Variants in ANGPT1 observed in about 807,000 individuals in gnomAD.
ANGPT1 encodes angiopoietin-1.
In ANGPT1, 17 loss-of-function variants were observed where a neutral mutation model predicts 62.2. The ratio of observed to expected loss-of-function variants is 0.27; its 90% confidence interval spans 0.19 to 0.41. The LOEUF (loss-of-function observed/expected upper bound fraction) is 0.41. Ranked by LOEUF, ANGPT1 falls within the 10% of genes least tolerant of loss-of-function variation. ANGPT1 has a pLI of 1.00. For missense variants in ANGPT1, 478 were observed against 594.9 expected (o/e 0.80, Z 2.04); for synonymous variants, 199 against 198.9 (o/e 1.00, Z 0.00).
chr8:107,378,656 C>G (rs1816575807), intron 1 of ANGPT1, among the ~76,000 whole-genome samples: 1 of 151,930 alleles, frequency 6.6e-6, no homozygotes, highest in Non-Finnish European at 1.5e-5. Flanking sequence ...GGGTGGTTTC[C>G]CCCATGCTGT....
chr8:107,336,836 G>C (rs1815581292), intron 2 of ANGPT1, among the ~76,000 whole-genome samples: 1 of 150,522 alleles, frequency 6.6e-6, no homozygotes. Context: ...TCCTGTGCTA[G>C]TTGCTTCATA....
chr8:107,276,839 C>T (rs1267674625), intron 7 of ANGPT1, among the ~76,000 whole-genome samples: 1 of 152,078 alleles, frequency 6.6e-6, no homozygotes, highest in African/African-American at 2.4e-5. Context: ...AAGATCTTGG[C>T]CAAAAACAAA....
intron 7 of ANGPT1, chr8:107,284,390 G>T: frequency 5.4e-6 from 1 of 186,386 alleles, no homozygotes; most frequent in Non-Finnish European, 1.1e-5. Context: ...TTATATATAT[G>T]AATTCACTGC....
intron 2 of ANGPT1, among the ~76,000 whole-genome samples, chr8:107,345,188 C>T (rs891981233): frequency 2.0e-5 from 3 of 152,152 alleles, no homozygotes; most frequent in African/African-American, 7.2e-5. Context: ...TTCTGGGTTT[C>T]AGCTATCTTA....
At chr8:107,379,956 A>G (rs867088328) in intron 1 of ANGPT1, among the ~76,000 whole-genome samples, 4 of 152,258 alleles carry the variant, frequency 2.6e-5, no homozygotes, top group African/African-American at 9.6e-5. Flanking sequence ...TCCCAAAGGG[A>G]TACTGGTAAA....
At chr8:107,299,768 TAGA>T (rs1814526366) in intron 5 of ANGPT1, among the ~76,000 whole-genome samples, 1 of 121,554 alleles carries the variant, frequency 8.2e-6, no homozygotes, top group South Asian at 2.6e-4. Context: ...TAGTTATATC[TAGA>T]TATACTATAT....
chr8:107,415,065 TAC>T (rs901827249), intron 1 of ANGPT1, among the ~76,000 whole-genome samples: 2 of 152,194 alleles, frequency 1.3e-5, no homozygotes, highest in Non-Finnish European at 2.9e-5. Flanking sequence ...AAATTTAGTT[TAC>T]TCTGCTCTGA....
At chr8:107,319,413 T>G (rs904879653) in intron 4 of ANGPT1, among the ~76,000 whole-genome samples, 1 of 152,136 alleles carries the variant, frequency 6.6e-6, no homozygotes, top group African/African-American at 2.4e-5. Flanking sequence ...ACAGCTCGTG[T>G]TTTTTAAGAT....
intron 1 of ANGPT1, among the ~76,000 whole-genome samples, chr8:107,478,065 T>G (rs926235005): frequency 4.6e-5 from 5 of 109,592 alleles, no homozygotes; most frequent in African/African-American, 9.3e-5. Flanking sequence ...TTTCTCCTGT[T>G]TTTTTTTTTT....
intron 1 of ANGPT1, among the ~76,000 whole-genome samples, chr8:107,483,467 T>G (rs1428750191): frequency 6.6e-6 from 1 of 152,156 alleles, no homozygotes; most frequent in East Asian, 1.9e-4. Context: ...TAAGAGATAC[T>G]GACAGTTTCA....
chr8:107,490,085 T>C (rs1278240512), intron 1 of ANGPT1, among the ~76,000 whole-genome samples: 1 of 152,218 alleles, frequency 6.6e-6, no homozygotes, highest in East Asian at 1.9e-4. Context: ...ACTCTGTGTT[T>C]TGTAGCTGAG....
intron 2 of ANGPT1, among the ~76,000 whole-genome samples, chr8:107,342,782 TACACACACACACACACACACACACAC>T (rs751210643): frequency 1.5e-4 from 21 of 138,634 alleles, no homozygotes; most frequent in Admixed American, 1.2e-3. Context: ...AACTGCCTAA[TACACACACACACACACACACACACAC>T]ACACACACAC....
intron 1 of ANGPT1, among the ~76,000 whole-genome samples, chr8:107,442,251 T>C (rs1018596302): frequency 6.6e-6 from 1 of 152,206 alleles, no homozygotes; most frequent in Non-Finnish European, 1.5e-5. Flanking sequence ...AAAATACTTC[T>C]ATTGAATATC....
Position 107,495,018 on chromosome 8 carries a change from C to A in ANGPT1, c.297+2244G>T, listed in dbSNP as rs189416973. On this transcript the variant is annotated intron_variant, in intron 1 of 8. Transcript: ENST00000517746. ...ATACAAATTGCAGTACTGAGCATAC[C>A]AAATGGTTACAGTAAAAAGATTTCC... 7 of 152,192 alleles carry A rather than the reference C, an allele frequency of 4.6e-5. No homozygotes were observed. The East Asian group carries it at 9.7e-4, about 21-fold the overall frequency. The allele number at this position is 152,192 out of a possible 1,614,324, so 9.4% of individuals were successfully genotyped here.
At chr8:107,356,876 T>A (rs1400276660) in intron 1 of ANGPT1, among the ~76,000 whole-genome samples, 1 of 152,236 alleles carries the variant, frequency 6.6e-6, no homozygotes, top group Non-Finnish European at 1.5e-5. Context: ...CAAAGACAGA[T>A]AATTTCTGTG....
intron 1 of ANGPT1, among the ~76,000 whole-genome samples, chr8:107,395,225 G>C (rs1389246229): frequency 6.6e-6 from 1 of 151,984 alleles, no homozygotes; most frequent in Non-Finnish European, 1.5e-5. Context: ...CATGCTGGGG[G>C]ATAGGACTGG....
chr8:107,337,912 C>T (rs897480662), intron 2 of ANGPT1, among the ~76,000 whole-genome samples: 18 of 151,860 alleles, frequency 1.2e-4, no homozygotes, highest in African/African-American at 3.9e-4. Context: ...CTGGGTAACA[C>T]GGCAAAACCC....
intron 1 of ANGPT1, among the ~76,000 whole-genome samples, chr8:107,420,136 T>C (rs1311917363): frequency 6.6e-6 from 1 of 152,180 alleles, no homozygotes; most frequent in Non-Finnish European, 1.5e-5. Context: ...CTATGACTCC[T>C]ACAAATTTAA....
At chr8:107,480,982 AT>A (rs1173534113) in intron 1 of ANGPT1, among the ~76,000 whole-genome samples, 2 of 152,154 alleles carry the variant, frequency 1.3e-5, no homozygotes, top group African/African-American at 2.4e-5. Flanking sequence ...AAGGCATTTT[AT>A]TTGTTGACTT....
Sources: allele counts gnomAD v4.1 joint callset (sites outside exome capture counted in the v4.1 genomes callset), GRCh38; gene constraint gnomAD v4.1.1; transcripts MANE v1.5; gene names NCBI Gene and HGNC (gene_info 2026-07-23, HGNC 2026-07-21).